BBX: variants seen among roughly 807,000 people sequenced by gnomAD.
The protein encoded by BBX is HMG box transcription factor BBX.
Under a neutral mutation model 100.2 loss-of-function variants are expected in BBX, and 30 were observed. That is an observed-to-expected ratio of 0.30 (90% CI 0.22 to 0.41). The LOEUF is 0.41. Ranked by LOEUF, BBX falls within the 10% of genes least tolerant of loss-of-function variation. BBX has a pLI of 1.00. For synonymous variants in BBX, 376 were observed against 388.1 expected (o/e 0.97, Z 0.37); for missense variants, 1,023 against 1,129.8 (o/e 0.91, Z 1.35).
chr3:107,535,403 A>G (rs2048421520), intron 2 of BBX, among the ~76,000 whole-genome samples: 1 of 152,110 alleles, frequency 6.6e-6, no homozygotes, highest in African/African-American at 2.4e-5. Context: ...GCCTTTGTTT[A>G]TAAACTTAGT....
rs1576451657 is a variant in BBX at position 107,710,728 on chromosome 3, G to A, written c.162+106G>A. On this transcript the variant is annotated intron_variant, in intron 4 of 17. Transcript: ENST00000325805. Reference sequence around the variant, plus strand: ...ATTACAAAAGTGTTTCCAAAAGCCTGTATAGCTTGAATCCTATTCAATTAC... The same window carrying A: ...ATTACAAAAGTGTTTCCAAAAGCCTATATAGCTTGAATCCTATTCAATTAC... The A allele has an allele frequency of 4.7e-6, 5 of 1,062,114 alleles. No homozygotes were observed. The East Asian group carries it at 1.1e-4, about 23-fold the overall frequency. 65.8% of individuals were successfully genotyped at this position (1,062,114 alleles called of 1,614,324 possible).
intron 2 of BBX, among the ~76,000 whole-genome samples, chr3:107,562,153 C>A (rs557217): frequency 3.2e-5 from 4 of 123,104 alleles, no homozygotes; most frequent in African/African-American, 1.0e-4. Flanking sequence ...TGGATTCTCA[C>A]ACGTTGAAAT....
rs1161099856 is a variant in BBX, at chr3:107,604,277, G to C, written c.-83-41559G>C. ...TTTGGGTACTGTTTGTATCTGCTTTGGTATGTGTCCTCTTAGGTCGGAACT... is the reference window on the plus strand; with the variant it reads ...TTTGGGTACTGTTTGTATCTGCTTTCGTATGTGTCCTCTTAGGTCGGAACT... On this transcript the variant is annotated intron_variant, in intron 2 of 17. Coordinates refer to ENST00000325805, the MANE Select transcript of BBX (RefSeq NM_001142568.3). 3.3e-5 allele frequency among the ~76,000 whole-genome samples: 5 copies of C among 152,064 alleles called. No individual in the cohort carries two copies. In the East Asian group the frequency reaches 9.6e-4, roughly 29 times the overall value.
chr3:107,536,867 CAT>C (rs1339129394), intron 2 of BBX, among the ~76,000 whole-genome samples: 1 of 152,072 alleles, frequency 6.6e-6, no homozygotes, highest in Non-Finnish European at 1.5e-5. Flanking sequence ...AAATATCTAT[CAT>C]ATAAATTAAT....
chr3:107,536,795 A>G lies in BBX; in HGVS notation c.-84+10397A>G, dbSNP rs145859122. On this transcript the variant is annotated intron_variant, in intron 2 of 17. Transcript: ENST00000325805. ...AGACTTTGGAGATATGAAGATGAATATGGAACAACCCTTGTCCTCAAAGCA... is the reference window on the plus strand; with the variant it reads ...AGACTTTGGAGATATGAAGATGAATGTGGAACAACCCTTGTCCTCAAAGCA... Among the ~76,000 whole-genome samples the G allele has an allele frequency of 2.3e-3, 354 of 152,288 alleles. 1 individual carries two copies. Among genetic ancestry groups the G allele is most frequent in the African/African-American group, 8.1e-3 (336 of 41,576 alleles).
intron 17 of BBX, among the ~76,000 whole-genome samples, chr3:107,803,742 G>A (rs1230015378): frequency 1.3e-5 from 2 of 152,098 alleles, no homozygotes; most frequent in Non-Finnish European, 2.9e-5. Context: ...CTCGCGTACT[G>A]CCAAAGGAAA....
At chr3:107,552,149 C>G (rs545934124) in intron 2 of BBX, among the ~76,000 whole-genome samples, 3 of 151,578 alleles carry the variant, frequency 2.0e-5, no homozygotes, top group Non-Finnish European at 4.4e-5. Context: ...CAAGACCAAC[C>G]TGGACAACAT....
At chr3:107,574,235 A>G (rs1411910695) in intron 2 of BBX, among the ~76,000 whole-genome samples, 1 of 152,230 alleles carries the variant, frequency 6.6e-6, no homozygotes, top group African/African-American at 2.4e-5. Flanking sequence ...TCTCCATTTT[A>G]TAAACGAGAA....
At chr3:107,711,288 C>T (rs539331949) in intron 4 of BBX, 1 of 470,814 alleles carries the variant, frequency 2.1e-6, no homozygotes, top group African/African-American at 2.0e-5. Context: ...AGAATAGAAG[C>T]TCAGTATAAG....
At chr3:107,743,899 TTTC>T (rs1310467782) in intron 7 of BBX, among the ~76,000 whole-genome samples, 1 of 150,360 alleles carries the variant, frequency 6.7e-6, no homozygotes, top group Non-Finnish European at 1.5e-5. Flanking sequence ...GTAGGTGATT[TTTC>T]TTCTTTGTTT....
chr3:107,701,937 C>T (rs964137554), intron 3 of BBX, among the ~76,000 whole-genome samples: 3 of 152,132 alleles, frequency 2.0e-5, no homozygotes, highest in Non-Finnish European at 4.4e-5. Flanking sequence ...CTAGCATTGT[C>T]ACATTTATCC....
intron 3 of BBX, among the ~76,000 whole-genome samples, chr3:107,656,662 A>T (rs2058162539): frequency 1.3e-5 from 2 of 152,202 alleles, no homozygotes; most frequent in Non-Finnish European, 2.9e-5. Context: ...TGAACAACGT[A>T]TAGTGGTCTC....
intron 5 of BBX, among the ~76,000 whole-genome samples, chr3:107,719,075 A>G (rs191493170): frequency 6.6e-6 from 1 of 152,198 alleles, no homozygotes; most frequent in Admixed American, 6.6e-5. Context: ...AGTTCAGTGA[A>G]CAAATACTTA....
At position 107,798,541 on chromosome 3, in the gene BBX, G is replaced by A; in HGVS notation, c.2372G>A (p.Arg791Lys). The A allele has an allele frequency of 1.2e-6, 2 of 1,614,010 alleles. No homozygotes were observed. The highest frequency in any genetic ancestry group is 3.3e-5 in the Admixed American group (2 of 60,030). Residue 791 changes from arginine (R) to lysine (K), a missense_variant, in exon 16 of 18, where the codon AGA (arginine) becomes AAA (lysine). Physicochemically the swap from Arg to Lys is conservative, Grantham distance 26. This residue lies in a region of BBX where 215 missense variants were observed against 211.3 expected (regional missense o/e 1.02). Transcript: ENST00000325805. ...ATTTCAGCCATATTTTCAGAAGACA[G>A]AAACACCATGGAGCCTGTTCATAAG... ...HPTEAIFSED[R>K]NTMEPVHKVK...
In BBX at chr3:107,681,677, G is replaced by A. The variant is rs74479324; in HGVS notation, c.-9-28775G>A. Among the ~76,000 whole-genome samples, 62 of 152,222 alleles carry A rather than the reference G, an allele frequency of 4.1e-4. No homozygotes were observed. The East Asian group carries it at 0.01, about 26-fold the overall frequency. ...GTTAAGCCTAACCAGAGAAGTAATT[G>A]GAAGTGTCCGCCCTTTGGACTCTGA... On this transcript the variant is annotated intron_variant, in intron 3 of 17. Transcript: ENST00000325805.
chr3:107,751,201 G>T lies in BBX; in HGVS notation c.825+3162G>T, dbSNP rs2065050541. On this transcript the variant is annotated intron_variant, in intron 9 of 17. Transcript: ENST00000325805. ...GATTGATGTATAAAAGAAAATTACT[G>T]AGTGGAAAGCTTTATATCCCTGTCT... 1.3e-5 allele frequency among the ~76,000 whole-genome samples: 2 copies of T among 152,156 alleles called. 1 individual carries two copies. The highest frequency in any genetic ancestry group is 4.1e-4 in the South Asian group (2 of 4,826).
intron 13 of BBX, among the ~76,000 whole-genome samples, chr3:107,778,867 C>G (rs2067554227): frequency 6.6e-6 from 1 of 151,342 alleles, no homozygotes; most frequent in Non-Finnish European, 1.5e-5. Flanking sequence ...CTTCTGTTCC[C>G]TGTGTCCGCA....
chr3:107,697,233 G>T (rs1027020377), intron 3 of BBX, among the ~76,000 whole-genome samples: 4 of 151,884 alleles, frequency 2.6e-5, no homozygotes, highest in African/African-American at 4.9e-5. Context: ...TTGTTCTGTT[G>T]CTGGTGAGGA....
intron 4 of BBX, 107 bp from the exon 5 acceptor site, chr3:107,716,500 T>C (rs573621357): frequency 1.5e-6 from 2 of 1,370,380 alleles, no homozygotes; most frequent in African/African-American, 2.9e-5. Flanking sequence ...GTGTAAGTTG[T>C]TTAAATGGAG....
Sources: gnomAD v4.1 joint callset for allele counts (sites outside exome capture counted in the v4.1 genomes callset) on GRCh38, gnomAD v4.1.1 for gene constraint, gnomAD v4.1.1 regional missense constraint, MANE v1.5 for transcripts, NCBI Gene and HGNC (gene_info 2026-07-23, HGNC 2026-07-21) for gene names.